The following GAPVD1 variants were observed in gnomAD, a reference collection of about 807,000 sequenced individuals.
The protein encoded by GAPVD1 is GTPase activating protein and VPS9 domains 1, also known as GTPase-activating protein and VPS9 domain-containing protein 1.
Under a neutral mutation model 155.5 loss-of-function variants are expected in GAPVD1, and 35 were observed. That is an observed-to-expected ratio of 0.23 (90% CI 0.17 to 0.30). The LOEUF is 0.30. Among genes scored for constraint, GAPVD1 ranks in the 10% least tolerant of loss-of-function variants. The pLI is 1.00. For synonymous variants in GAPVD1, 636 were observed against 619.7 expected, an observed-to-expected ratio of 1.03 and a Z score of -0.39; for missense variants, 1,429 against 1,775.7, an observed-to-expected ratio of 0.80 and a Z score of 3.51.
At chr9:125,263,887 A>G (rs971769796) in intron 1 of GAPVD1, 17 of 1,423,994 alleles carry the variant, frequency 1.2e-5, no homozygotes, top group Non-Finnish European at 1.3e-5. Flanking sequence ...GGATACCCTC[A>G]TTGGTAAGGT....
At chr9:125,361,000 T>TA (rs1281274780) in intron 27 of GAPVD1, among the ~76,000 whole-genome samples, 1 of 152,162 alleles carries the variant, frequency 6.6e-6, no homozygotes, top group African/African-American at 2.4e-5. Context: ...TAGCTGGGAT[T>TA]ACAGGCGTGC....
intron 23 of GAPVD1, among the ~76,000 whole-genome samples, chr9:125,354,123 A>G (rs892642186): frequency 6.6e-6 from 1 of 152,190 alleles, no homozygotes; most frequent in African/African-American, 2.4e-5. Context: ...TCCCCTGCTC[A>G]TGATTATGGA....
rs201287198 is a variant in GAPVD1 at position 125,323,959 on chromosome 9, A to G, written c.1858+36A>G. 1.1e-5 allele frequency: 18 copies of G among 1,597,320 alleles called. No individual in the cohort carries two copies. The Admixed American group carries it at 2.2e-4, about 20-fold the overall frequency. ...GTTGAACACAGTTGCCTAAGTAGCA[A>G]AGAATTTACCTGATTGCAAGATGAG... On this transcript the variant is annotated intron_variant, in intron 11 of 27. Transcript: ENST00000297933.
rs10659223 is a variant in GAPVD1 at position 125,285,453 on chromosome 9, G to GTTTT, written c.-149-9986_-149-9983dup. Among the ~76,000 whole-genome samples the GTTTT allele has an allele frequency of 5.8e-3, 546 of 94,614 alleles. 8 individuals carry two copies. The highest frequency in any genetic ancestry group is 6.3e-3 in the African/African-American group (151 of 23,972). 62.1% of individuals were successfully genotyped at this position (94,614 alleles called of 152,430 possible). ...GGCATAATCTATTTCTTTTTTCTTTGTTTTTTTTTTTTTTTTTTTTTTGAG... is the reference window on the plus strand; with the variant it reads ...GGCATAATCTATTTCTTTTTTCTTTGTTTTTTTTTTTTTTTTTTTTTTTTTTGAG... On this transcript the variant is annotated intron_variant, in intron 2 of 27. Transcript: ENST00000297933.
intron 2 of GAPVD1, among the ~76,000 whole-genome samples, chr9:125,293,769 TTA>T (rs1321215323): frequency 1.7e-5 from 2 of 118,928 alleles, no homozygotes; most frequent in African/African-American, 3.2e-5. Flanking sequence ...CATTTTTATA[TTA>T]TATATAATAT....
At chr9:125,265,537 C>T (rs1833750961) in intron 1 of GAPVD1, among the ~76,000 whole-genome samples, 1 of 151,142 alleles carries the variant, frequency 6.6e-6, no homozygotes, top group Non-Finnish European at 1.5e-5. Context: ...CAGTCTCCCT[C>T]CTGGGCTGGG....
chr9:125,298,913 A>G lies in GAPVD1; in HGVS notation c.-9A>G. 6.3e-7 allele frequency: 1 copy of G among 1,575,406 alleles called. No individual in the cohort carries two copies. The highest frequency in any genetic ancestry group is 8.7e-7 in the Non-Finnish European group (1 of 1,155,408). ...AGTGATCAGCCTTTGAGCCTTTCCC[A>G]CATTGAAGATGGTGAAACTAGATAT... On this transcript the variant is annotated 5_prime_UTR_variant, in exon 4 of 28. Coordinates refer to ENST00000297933, the MANE Select transcript of GAPVD1 (RefSeq NM_001282680.3).
At chr9:125,309,967 G>A (rs749943169) in intron 8 of GAPVD1, 4 of 468,652 alleles carry the variant, frequency 8.5e-6, no homozygotes, top group African/African-American at 8.0e-5. Context: ...GGATTCCTCA[G>A]CTACCAATAT....
chr9:125,302,908 C>T (rs1365620697), intron 5 of GAPVD1, 82 bp downstream of exon 5: 5 of 1,472,764 alleles, frequency 3.4e-6, no homozygotes, highest in Middle Eastern at 2.3e-4. Flanking sequence ...ACAAATAATA[C>T]GATGACAGTA....
intron 2 of GAPVD1, among the ~76,000 whole-genome samples, chr9:125,294,649 A>C (rs976624014): frequency 2.3e-5 from 3 of 132,680 alleles, no homozygotes; most frequent in African/African-American, 2.9e-5. Flanking sequence ...CCCAGCTAAA[A>C]TGGTTTTTTT....
rs148057512 is a variant in GAPVD1 at position 125,313,112 on chromosome 9, G to A, written c.1602+500G>A. Among the ~76,000 whole-genome samples, 762 of 151,868 alleles carry A rather than the reference G, an allele frequency of 5.0e-3. 10 individuals are homozygous for A. The highest frequency in any genetic ancestry group is 0.017 in the African/African-American group (711 of 41,386). On this transcript the variant is annotated intron_variant, in intron 9 of 27. Coordinates refer to ENST00000297933, the MANE Select transcript of GAPVD1 (RefSeq NM_001282680.3). ...TGAGATTACAGGTGTGAGCCACCGC[G>A]CCTGGCTGGTTGGGCTATTTTATAA... is the stretch of plus-strand genomic sequence containing the variant.
At chr9:125,312,361 C>A (rs1588873480) in intron 8 of GAPVD1, 91 bp from the exon 9 acceptor site, 3 of 803,254 alleles carry the variant, frequency 3.7e-6, no homozygotes, top group East Asian at 5.7e-5. Context: ...TGCAAATGTT[C>A]TGCACTAATA....
At chr9:125,298,201 T>G (rs1030944719) in intron 3 of GAPVD1, among the ~76,000 whole-genome samples, 1 of 152,188 alleles carries the variant, frequency 6.6e-6, no homozygotes, top group African/African-American at 2.4e-5. Flanking sequence ...AGTCAGATTT[T>G]AAATATATTT....
intron 20 of GAPVD1, 121 bp from the exon 21 acceptor site, chr9:125,349,269 C>T: frequency 3.9e-6 from 3 of 768,714 alleles, no homozygotes; most frequent in African/African-American, 1.7e-5. Flanking sequence ...TCTTTTTTTT[C>T]CAGAGAACTC....
Position 125,301,860 on chromosome 9 carries a change from T to C in GAPVD1, c.186-123T>C, listed in dbSNP as rs187637083. The C allele has an allele frequency of 1.1e-3, 818 of 776,588 alleles. 5 individuals are homozygous for C. Among genetic ancestry groups the C allele is most frequent in the Non-Finnish European group, 4.0e-4 (206 of 520,668 alleles). 48.1% of individuals were successfully genotyped at this position (776,588 alleles called of 1,614,324 possible). A position where few individuals can be genotyped will look rare whatever the true frequency, so the allele number is the denominator to read the frequency against. Reference sequence around the variant, plus strand: ...CTGTTAGTTTAAAAAATTTTAGCAATTCAGAGTGACCTCATTGTTGGGACC... The same window carrying C: ...CTGTTAGTTTAAAAAATTTTAGCAACTCAGAGTGACCTCATTGTTGGGACC... On this transcript the variant is annotated intron_variant, in intron 4 of 27. Coordinates refer to ENST00000297933, the MANE Select transcript of GAPVD1 (RefSeq NM_001282680.3).
intron 6 of GAPVD1, 40 bp from the exon 7 acceptor site, chr9:125,307,373 T>C: frequency 1.4e-6 from 2 of 1,476,970 alleles, no homozygotes; most frequent in Non-Finnish European, 1.8e-6. Context: ...TCCAGTATTT[T>C]AAAGGGAAAT....
At chr9:125,274,391 GCACTTAC>G (rs1481347847) in intron 2 of GAPVD1, among the ~76,000 whole-genome samples, 1 of 151,094 alleles carries the variant, frequency 6.6e-6, no homozygotes, top group African/African-American at 2.4e-5. Context: ...ACATATGCAT[GCACTTAC>G]CATTTGATTT....
At chr9:125,336,959 G>A (rs1847113558) in intron 15 of GAPVD1, 59 bp from the exon 16 acceptor site, 6 of 945,136 alleles carry the variant, frequency 6.3e-6, no homozygotes, top group Non-Finnish European at 1.0e-5. Context: ...CCTTTAAACT[G>A]TGTTGAGACC....
In GAPVD1 at chr9:125,365,452, G is replaced by A. The variant is rs946421219; in HGVS notation, c.*2706G>A. ...AAATCAGCCCAGGAAACATTCAGCA[G>A]CCACTAGTTACTACATAGAATTTAT... On this transcript the variant is annotated 3_prime_UTR_variant, in exon 28 of 28. Transcript: ENST00000297933. 1 of 151,972 alleles carries A rather than the reference G, an allele frequency of 6.6e-6. No individual in the cohort carries two copies. Among genetic ancestry groups the A allele is most frequent in the Non-Finnish European group, 1.5e-5 (1 of 68,020 alleles). The allele number at this position is 151,972 out of a possible 1,614,324, so 9.4% of individuals were successfully genotyped here.
Sources: gnomAD v4.1 joint callset for allele counts (sites outside exome capture counted in the v4.1 genomes callset) on GRCh38, gnomAD v4.1.1 for gene constraint, MANE v1.5 for transcripts, NCBI Gene and HGNC (gene_info 2026-07-23, HGNC 2026-07-21) for gene names.